The following GUCY1A1 variants were observed in gnomAD, a reference collection of about 807,000 sequenced individuals.
GUCY1A1 encodes the protein guanylate cyclase 1 soluble subunit alpha 1, also known as guanylate cyclase soluble subunit alpha-1.
In GUCY1A1, 48 loss-of-function variants were observed where a neutral mutation model predicts 64.5. The ratio of observed to expected loss-of-function variants is 0.74; its 90% confidence interval spans 0.59 to 0.95. The LOEUF is 0.95. Ranked by LOEUF, GUCY1A1 falls within the 40% of genes least tolerant of loss-of-function variation. GUCY1A1 has a pLI of 0.00. For missense variants in GUCY1A1, 804 were observed against 825.3 expected (o/e 0.97, Z 0.32); for synonymous variants, 308 against 303.4 (o/e 1.02, Z -0.16).
chr4:155,680,897 C>A, intron 2 of GUCY1A1, among the ~76,000 whole-genome samples: 1 of 150,376 alleles, frequency 6.6e-6, no homozygotes, highest in African/African-American at 2.4e-5. Flanking sequence ...GAGTTTGAAT[C>A]TGTGTTGTTC....
rs976097665 is a variant in GUCY1A1 at position 155,730,490 on chromosome 4, T to C, written c.*259T>C. The stretch of plus-strand genomic sequence containing the variant: ...TATTATATAACCAGCACTTACTACC[T>C]GTACTCAAAATTCAGCACCTTGTAC... On this transcript the variant is annotated 3_prime_UTR_variant, in exon 10 of 10. Transcript: ENST00000506455. 6.7e-5 allele frequency: 21 copies of C among 314,496 alleles called. No homozygotes were observed. The highest frequency in any genetic ancestry group is 8.9e-4 in the Middle Eastern group (1 of 1,126). 19.5% of individuals were successfully genotyped at this position (314,496 alleles called of 1,614,324 possible). A position where few individuals can be genotyped will look rare whatever the true frequency, so the allele number is the denominator to read the frequency against.
At chr4:155,678,139 C>T (rs901764137) in intron 2 of GUCY1A1, among the ~76,000 whole-genome samples, 1 of 152,074 alleles carries the variant, frequency 6.6e-6, no homozygotes, top group African/African-American at 2.4e-5. Context: ...TTTAAACCTA[C>T]TAATTTAGAA....
chr4:155,716,895 T>C (rs1733311918), intron 7 of GUCY1A1, among the ~76,000 whole-genome samples: 2 of 152,148 alleles, frequency 1.3e-5, no homozygotes, highest in South Asian at 4.1e-4. Context: ...GATGAGTCAG[T>C]GTGCAAATCT....
rs1489211115 is a variant in GUCY1A1, at chr4:155,735,611, G to C, written c.*5380G>C. 6.6e-6 allele frequency: 1 copy of C among 151,904 alleles called. No individual in the cohort carries two copies. The highest frequency in any genetic ancestry group is 2.4e-5 in the African/African-American group (1 of 41,390). 9.4% of individuals were successfully genotyped at this position (151,904 alleles called of 1,614,324 possible). A position where few individuals can be genotyped will look rare whatever the true frequency, so the allele number is the denominator to read the frequency against. On this transcript the variant is annotated 3_prime_UTR_variant, in exon 10 of 10. Transcript: ENST00000506455. ...TTCCAGATTGTGAGGAAAATTACTT[G>C]GCTGAAAATGACTTTGCATAATGCC...
rs1310584331 is a variant in GUCY1A1 at position 155,730,299 on chromosome 4, C to A, written c.*68C>A. On this transcript the variant is annotated 3_prime_UTR_variant, in exon 10 of 10. Coordinates refer to ENST00000506455, the MANE Select transcript of GUCY1A1 (RefSeq NM_001130682.3). ...TGAAGATGTGTAGAGCCTCTGAAAG[C>A]ACTTTAGGGATTGTAGATGGCTAAC... 3 of 951,594 alleles carry A rather than the reference C, an allele frequency of 3.2e-6. No homozygotes were observed. Among genetic ancestry groups the A allele is most frequent in the African/African-American group, 1.6e-5 (1 of 60,950 alleles). 58.9% of individuals were successfully genotyped at this position (951,594 alleles called of 1,614,324 possible).
At chr4:155,682,952 T>C (rs1736014985) in intron 2 of GUCY1A1, among the ~76,000 whole-genome samples, 1 of 152,178 alleles carries the variant, frequency 6.6e-6, no homozygotes, top group East Asian at 1.9e-4. Context: ...ATATTGATTA[T>C]AGCTAATAGC....
chr4:155,675,958 C>T (rs1349517882), intron 2 of GUCY1A1, among the ~76,000 whole-genome samples: 1 of 151,488 alleles, frequency 6.6e-6, no homozygotes, highest in African/African-American at 2.5e-5. Flanking sequence ...TGCTCTCCCA[C>T]TTGGTCCTGT....
intron 8 of GUCY1A1, among the ~76,000 whole-genome samples, chr4:155,718,373 C>A (rs1733533270): frequency 6.6e-6 from 1 of 152,186 alleles, no homozygotes; most frequent in Non-Finnish European, 1.5e-5. Context: ...AGTCTATTGT[C>A]ATCCCATTTA....
chr4:155,709,663 G>A (rs1369194416), intron 5 of GUCY1A1, among the ~76,000 whole-genome samples: 1 of 151,992 alleles, frequency 6.6e-6, no homozygotes, highest in Non-Finnish European at 1.5e-5. Context: ...GTGAAAACCC[G>A]TCTCTACTAA....
At chr4:155,696,231 CT>C (rs1294688483) in intron 2 of GUCY1A1, among the ~76,000 whole-genome samples, 1 of 151,444 alleles carries the variant, frequency 6.6e-6, no homozygotes. Context: ...TTTCATTGAA[CT>C]TTTTTTTTCT....
chr4:155,731,851 G>A lies in GUCY1A1; in HGVS notation c.*1620G>A, dbSNP rs1297775398. ...CTAGTATTCCAAGGGTACTACTATAGATATTACAATGATGCTGTTTACTAA... is the reference window on the plus strand; with the variant it reads ...CTAGTATTCCAAGGGTACTACTATAAATATTACAATGATGCTGTTTACTAA... On this transcript the variant is annotated 3_prime_UTR_variant, in exon 10 of 10. Coordinates refer to ENST00000506455, the MANE Select transcript of GUCY1A1 (RefSeq NM_001130682.3). 1 of 149,910 alleles carries A rather than the reference G, an allele frequency of 6.7e-6. No individual in the cohort carries two copies. Among genetic ancestry groups the A allele is most frequent in the African/African-American group, 2.4e-5 (1 of 41,254 alleles). The allele number at this position is 149,910 out of a possible 1,614,324, so 9.3% of individuals were successfully genotyped here. A position where few individuals can be genotyped will look rare whatever the true frequency, so the allele number is the denominator to read the frequency against.
rs917223706 is a variant in GUCY1A1 at position 155,733,790 on chromosome 4, C to T, written c.*3559C>T. Among the ~76,000 whole-genome samples, 1 of 151,282 alleles carries T rather than the reference C, an allele frequency of 6.6e-6. No individual in the cohort carries two copies. The highest frequency in any genetic ancestry group is 2.4e-5 in the African/African-American group (1 of 41,202). On this transcript the variant is annotated 3_prime_UTR_variant, in exon 10 of 10. Transcript: ENST00000506455. ...TCTTAAAGGAAGAGAATGGTATGAT[C>T]AGATGTGTGTTTTCCAAAGACTATT...
In GUCY1A1 at chr4:155,711,139, A is replaced by C; in HGVS notation, c.974A>C (p.Glu325Ala). Residue 325 changes from glutamate (E) to alanine (A), a missense_variant, in exon 6 of 10, where the codon GAA (glutamate) becomes GCA (alanine). Glu to Ala is a moderately radical substitution (Grantham distance 107, BLOSUM62 -1). Coordinates refer to ENST00000506455, the MANE Select transcript of GUCY1A1 (RefSeq NM_001130682.3). ...AAGCCTAATTTTGAAGAATACTTTG[A>C]AATTCTGACTCCAAAAATCAACCAG... ...QGKPNFEEYF[E>A]ILTPKINQTF... The C allele has an allele frequency of 1.2e-6, 2 of 1,613,750 alleles. No individual in the cohort carries two copies. Among genetic ancestry groups the C allele is most frequent in the South Asian group, 2.2e-5 (2 of 91,068 alleles).
In GUCY1A1 at chr4:155,731,628, T is replaced by C. The variant is rs1301333725; in HGVS notation, c.*1397T>C. Reference sequence around the variant, plus strand: ...ATTTTGGTTGGGGATAAAGATTTGATTTTAAAAACAGCTTGAATTTAAAGC... The same window carrying C: ...ATTTTGGTTGGGGATAAAGATTTGACTTTAAAAACAGCTTGAATTTAAAGC... On this transcript the variant is annotated 3_prime_UTR_variant, in exon 10 of 10. Coordinates refer to ENST00000506455, the MANE Select transcript of GUCY1A1 (RefSeq NM_001130682.3). 2 of 151,872 alleles carry C rather than the reference T, an allele frequency of 1.3e-5. No individual in the cohort carries two copies. The highest frequency in any genetic ancestry group is 4.8e-5 in the African/African-American group (2 of 41,414). The allele number at this position is 151,872 out of a possible 1,614,324, so 9.4% of individuals were successfully genotyped here.
At chr4:155,685,882 C>A (rs544905406) in intron 2 of GUCY1A1, among the ~76,000 whole-genome samples, 10 of 152,224 alleles carry the variant, frequency 6.6e-5, no homozygotes, top group African/African-American at 2.4e-4. Context: ...GCCAGTTTGT[C>A]TTTCCCCTAC....
At chr4:155,677,620 G>A (rs1234352185) in intron 2 of GUCY1A1, among the ~76,000 whole-genome samples, 2 of 152,136 alleles carry the variant, frequency 1.3e-5, no homozygotes, top group Non-Finnish European at 2.9e-5. Flanking sequence ...GGAGGCCAAG[G>A]TGGGCAGATC....
At chr4:155,689,343 AT>A (rs1427635361) in intron 2 of GUCY1A1, among the ~76,000 whole-genome samples, 3 of 152,126 alleles carry the variant, frequency 2.0e-5, no homozygotes, top group Admixed American at 6.5e-5. Flanking sequence ...TGTTTTATAT[AT>A]TTTAGGGAAA....
rs773636409 is a variant in GUCY1A1 at position 155,711,069 on chromosome 4, G to A, written c.904G>A (p.Gly302Ser). The change falls in exon 6 of 10, where the codon GGC becomes AGC. Residue 302 changes from glycine (G) to serine (S), a missense_variant. By Grantham distance (56) the Gly-to-Ser change is moderately conservative. Coordinates refer to ENST00000506455, the MANE Select transcript of GUCY1A1 (RefSeq NM_001130682.3). ...CAAAGATATGACAATTCTGCAATTT[G>A]GCAATGGCATCAGAAGGCTGATGAA... ...FDKDMTILQF[G>S]NGIRRLMNRR... 3 of 1,613,880 alleles carry A rather than the reference G, an allele frequency of 1.9e-6. No homozygotes were observed. Among genetic ancestry groups the A allele is most frequent in the Non-Finnish European group, 2.5e-6 (3 of 1,179,902 alleles).
At chr4:155,681,147 A>G (rs1280168504) in intron 2 of GUCY1A1, among the ~76,000 whole-genome samples, 1 of 152,136 alleles carries the variant, frequency 6.6e-6, no homozygotes, top group Non-Finnish European at 1.5e-5. Context: ...GTATGACTCA[A>G]TAATTATAGT....
Sources: gnomAD v4.1 joint callset for allele counts (sites outside exome capture counted in the v4.1 genomes callset) on GRCh38, gnomAD v4.1.1 for gene constraint, MANE v1.5 for transcripts, NCBI Gene and HGNC (gene_info 2026-07-23, HGNC 2026-07-21) for gene names.